NINL: variants seen among roughly 807,000 people sequenced by gnomAD.
NINL encodes the protein ninein-like protein.
Under a neutral mutation model 160.3 loss-of-function variants are expected in NINL, and 153 were observed. The ratio of observed to expected loss-of-function variants is 0.95; its 90% CI spans 0.84 to 1.09. The LOEUF (loss-of-function observed/expected upper bound fraction) is 1.09. Among genes scored for constraint, NINL ranks in the 50% least tolerant of loss-of-function variants. NINL has a pLI of 0.00. For missense variants in NINL, 1,829 were observed against 1,764.0 expected (o/e 1.04, Z -0.66); for synonymous variants, 800 against 734.8 (o/e 1.09, Z -1.43).
chr20:25,475,244 G>A lies in NINL; in HGVS notation c.3248+799C>T, dbSNP rs1291439418. Among the ~76,000 whole-genome samples the A allele has an allele frequency of 2.0e-5, 3 of 151,594 alleles. No individual in the cohort carries two copies. In the East Asian group the frequency reaches 5.9e-4, roughly 30 times the overall value. On this transcript the variant is annotated intron_variant, in intron 17 of 23. Transcript: ENST00000278886. ...AGCCTGGGCCACACAGCGAGACTCT[G>A]TCTCAAAAAAAACAAAAAACAAAAA... is the stretch of plus-strand genomic sequence containing the variant.
chr20:25,547,507 A>C (rs889814932), intron 1 of NINL, among the ~76,000 whole-genome samples: 2 of 152,192 alleles, frequency 1.3e-5, no homozygotes, highest in African/African-American at 4.8e-5. Flanking sequence ...GGGGAAGCCA[A>C]ATGGAACTGA....
At chr20:25,570,613 A>T (rs1274446915) in intron 1 of NINL, among the ~76,000 whole-genome samples, 3 of 150,052 alleles carry the variant, frequency 2.0e-5, no homozygotes, top group Non-Finnish European at 4.4e-5. Flanking sequence ...GTATTTCTTT[A>T]TAGCAGTGCG....
chr20:25,485,095 A>G (rs2146619933), intron 13 of NINL, among the ~76,000 whole-genome samples: 1 of 152,356 alleles, frequency 6.6e-6, no homozygotes, highest in East Asian at 1.9e-4. Context: ...AAAAATATCA[A>G]TGTCATAAAG....
intron 15 of NINL, among the ~76,000 whole-genome samples, chr20:25,479,428 G>A (rs2063340189): frequency 6.6e-6 from 1 of 152,194 alleles, no homozygotes; most frequent in Admixed American, 6.5e-5. Flanking sequence ...GAGGCAGGGC[G>A]GCAGGCAAGA....
At chr20:25,553,168 G>A (rs1333526321) in intron 1 of NINL, among the ~76,000 whole-genome samples, 1 of 131,924 alleles carries the variant, frequency 7.6e-6, no homozygotes, top group Non-Finnish European at 1.5e-5. Context: ...TCACAGGTGT[G>A]ATCACAGCTC....
chr20:25,526,735 C>G, intron 1 of NINL, 137 bp from the exon 2 acceptor site: 2 of 813,838 alleles, frequency 2.5e-6, no homozygotes, highest in East Asian at 5.3e-5. Flanking sequence ...CACCAGGGAC[C>G]CTTGCAGGGC....
chr20:25,461,464 G>T (rs1209878225), intron 21 of NINL, 58 bp downstream of exon 21: 3 of 1,052,228 alleles, frequency 2.9e-6, no homozygotes, highest in South Asian at 1.5e-5. Context: ...TGGCACTGCG[G>T]TGATGCTGCT....
intron 13 of NINL, 90 bp downstream of exon 13, chr20:25,489,154 G>T: frequency 8.2e-7 from 1 of 1,220,464 alleles, no homozygotes; most frequent in Non-Finnish European, 1.2e-6. Context: ...TCTCCCTGGA[G>T]CAGACACTCC....
chr20:25,571,868 A>G (rs796486647), intron 1 of NINL, among the ~76,000 whole-genome samples: 194 of 5,634 alleles, frequency 0.034, no homozygotes, highest in Middle Eastern at 0.25. Context: ...ACTCTGTCTG[A>G]AAAAAAAAAA....
intron 9 of NINL, 37 bp from the exon 10 acceptor site, chr20:25,496,840 A>C: frequency 6.2e-7 from 1 of 1,605,026 alleles, no homozygotes; most frequent in Non-Finnish European, 8.5e-7. Context: ...ATGGGACCCC[A>C]CTGCTGGCCT....
chr20:25,529,460 T>TGCAA (rs1379557059), intron 1 of NINL, among the ~76,000 whole-genome samples: 1 of 152,116 alleles, frequency 6.6e-6, no homozygotes, highest in Non-Finnish European at 1.5e-5. Context: ...GCTCAGCATC[T>TGCAA]GCAAGGGCCT....
intron 21 of NINL, among the ~76,000 whole-genome samples, chr20:25,459,343 G>A (rs746262755): frequency 1.3e-5 from 2 of 152,150 alleles, no homozygotes; most frequent in Non-Finnish European, 2.9e-5. Context: ...ACTCAGCCGA[G>A]CTGGGGGCCT....
chr20:25,581,042 T>A (rs1339303306), intron 1 of NINL, among the ~76,000 whole-genome samples: 1 of 152,196 alleles, frequency 6.6e-6, no homozygotes, highest in African/African-American at 2.4e-5. Flanking sequence ...CCATGCCAGT[T>A]CAGGTGTGAG....
chr20:25,500,760 G>A (rs1051770038), intron 8 of NINL, 80 bp downstream of exon 8: 40 of 1,514,252 alleles, frequency 2.6e-5, no homozygotes, highest in Non-Finnish European at 3.5e-5. Context: ...CCCTGGCTTG[G>A]GACGCTCCAT....
chr20:25,547,064 GTTTA>G, intron 1 of NINL, among the ~76,000 whole-genome samples: 2 of 152,254 alleles, frequency 1.3e-5, no homozygotes, highest in African/African-American at 4.8e-5. Context: ...AAAAGTGTAT[GTTTA>G]GTCTTGGTCC....
At position 25,461,987 on chromosome 20, in the gene NINL, C is replaced by A. The variant is rs186804300; in HGVS notation, c.3583-352G>T. 2.0e-5 allele frequency among the ~76,000 whole-genome samples: 3 copies of A among 152,268 alleles called. No homozygotes were observed. In the East Asian group the frequency reaches 5.8e-4, roughly 29 times the overall value. On this transcript the variant is annotated intron_variant, in intron 20 of 23. Coordinates refer to ENST00000278886, the MANE Select transcript of NINL (RefSeq NM_025176.6). ...CCTCAGCTTCTGTTGGTGACTCGGC[C>A]GATTTCAGTTCTGCTTTGCTATTAT...
At chr20:25,525,935 T>G (rs1313214877) in intron 2 of NINL, among the ~76,000 whole-genome samples, 2 of 152,220 alleles carry the variant, frequency 1.3e-5, no homozygotes, top group African/African-American at 2.4e-5. Flanking sequence ...CTTTTGGACA[T>G]GGGTATCCTT....
Position 25,490,575 on chromosome 20 carries a change from A to G in NINL, c.1486-590T>C, listed in dbSNP as rs556909084. On this transcript the variant is annotated intron_variant, in intron 11 of 23. Coordinates refer to ENST00000278886, the MANE Select transcript of NINL (RefSeq NM_025176.6). ...ACTCCATCTCAAGGAAAAAAAAAAA[A>G]AAAAAAAGAAAGGGTGGGGAATACA... 1.7e-4 allele frequency among the ~76,000 whole-genome samples: 26 copies of G among 152,058 alleles called. No homozygotes were observed. In the East Asian group the frequency reaches 5.0e-3, roughly 30 times the overall value.
At chr20:25,486,686 C>T (rs2063510477) in intron 13 of NINL, among the ~76,000 whole-genome samples, 1 of 152,152 alleles carries the variant, frequency 6.6e-6, no homozygotes, top group African/African-American at 2.4e-5. Context: ...TGGAGGCAAA[C>T]CACAGACAGG....
Sources: allele counts gnomAD v4.1 joint callset (sites outside exome capture counted in the v4.1 genomes callset), GRCh38; gene constraint gnomAD v4.1.1; transcripts MANE v1.5; gene names NCBI Gene and HGNC (gene_info 2026-07-23, HGNC 2026-07-21).